The following CHERP variants were observed in gnomAD, a reference collection of about 807,000 sequenced individuals.
The protein encoded by CHERP is calcium homeostasis endoplasmic reticulum protein, also known as ERPROT 213-21.
CHERP carries 8 observed loss-of-function variants against 113.8 expected under a neutral mutation model. The observed-to-expected ratio is 0.07, with a 90% CI of 0.04 to 0.13. The LOEUF (loss-of-function observed/expected upper bound fraction) is 0.13, where lower values mean the gene tolerates loss of function less well. CHERP is among the 10% of genes least tolerant of loss of function. CHERP has a pLI of 1.00. For missense variants in CHERP, 884 were observed against 1,298.2 expected (o/e 0.68, Z 4.90); for synonymous variants, 559 against 524.5 (o/e 1.07, Z -0.90).
At position 16,535,518 on chromosome 19, in the gene CHERP, G is replaced by A. The variant is rs998157446; in HGVS notation, c.318C>T (p.Asp106=). The change falls in exon 3 of 17, where the codon GAC becomes GAT. Residue 106 remains aspartate (D), a synonymous_variant. Transcript: ENST00000546361. The surrounding 1 kb of genome is among the most constrained non-coding windows in gnomAD (Gnocchi z 4.3). ...IPPAQGAPSM[D]ELIQQSQWNL... is the part of the protein sequence containing the mutation. Reference sequence around the variant, plus strand: ...TCCACTGGCTCTGCTGGATGAGCTCGTCCATGGATGGCGCGCCCTGGGCCG... The same window carrying A: ...TCCACTGGCTCTGCTGGATGAGCTCATCCATGGATGGCGCGCCCTGGGCCG... The A allele has an allele frequency of 6.2e-7, 1 of 1,606,782 alleles. No homozygotes were observed. Among genetic ancestry groups the A allele is most frequent in the Non-Finnish European group, 8.5e-7 (1 of 1,176,862 alleles).
Position 16,535,994 on chromosome 19 carries a change from C to T in CHERP, c.200-358G>A, listed in dbSNP as rs987561638. Among the ~76,000 whole-genome samples the T allele has an allele frequency of 2.0e-5, 3 of 152,342 alleles. No homozygotes were observed. Among genetic ancestry groups the T allele is most frequent in the African/African-American group, 4.8e-5 (2 of 41,588 alleles). ...CACCTAGGCCCCACCTGATGCAGAACCCAGGCCTCAGTACCTCTCATCCTC... is the reference window on the plus strand; with the variant it reads ...CACCTAGGCCCCACCTGATGCAGAATCCAGGCCTCAGTACCTCTCATCCTC... On this transcript the variant is annotated intron_variant, in intron 2 of 16. Transcript: ENST00000546361. This position sits in a 1 kb window ranked among gnomAD's most constrained non-coding sequence, Gnocchi z 4.3.
chr19:16,520,426 T>A lies in CHERP; in HGVS notation c.2283A>T (p.Ser761=), dbSNP rs1485682176. ...SRSNSRSSKS[S]GSYSRSRSRS... The stretch of plus-strand genomic sequence containing the variant: ...GCGACCTTGACCTTGAGTACGAGCC[T>A]GAAGACTTGGAGGATCTTGAGTTGG... Residue 761 remains serine, a synonymous_variant, in exon 14 of 17, where the codon TCA becomes TCT. Transcript: ENST00000546361. The surrounding 1 kb of genome is among the most constrained non-coding windows in gnomAD (Gnocchi z 4.0). 1.2e-6 allele frequency: 2 copies of A among 1,614,068 alleles called. No individual in the cohort carries two copies. The highest frequency in any genetic ancestry group is 3.3e-5 in the Admixed American group (2 of 60,014).
Position 16,541,904 on chromosome 19 carries a change from G to A in CHERP, c.165C>T (p.Tyr55=), listed in dbSNP as rs185953110. The stretch of plus-strand genomic sequence containing the variant: ...GCTCCAGCGCCAGCTTGCACTTGTA[G>A]TAACTGTAGAATTCGCCTCCGAAAA... ...SFLFGGEFYS[Y]YKCKLALEQQ... The change falls in exon 2 of 17, where the codon TAC becomes TAT. Residue 55 remains tyrosine (Y), a synonymous_variant. Transcript: ENST00000546361. The A allele has an allele frequency of 1.9e-6, 3 of 1,613,754 alleles. No homozygotes were observed. Among genetic ancestry groups the A allele is most frequent in the African/African-American group, 1.3e-5 (1 of 75,030 alleles).
chr19:16,538,099 G>A (rs556134197), intron 2 of CHERP, among the ~76,000 whole-genome samples: 2 of 152,090 alleles, frequency 1.3e-5, no homozygotes, highest in East Asian at 3.9e-4. Context: ...AACCTTCCAC[G>A]AGTCTCTCCC....
At chr19:16,540,845 G>C (rs1046419758) in intron 2 of CHERP, among the ~76,000 whole-genome samples, 1 of 151,130 alleles carries the variant, frequency 6.6e-6, no homozygotes, top group East Asian at 1.9e-4. Flanking sequence ...CTACAGGCGC[G>C]GGCCACCACA....
chr19:16,521,036 G>C (rs1216794724), intron 12 of CHERP, 124 bp from the exon 13 acceptor site: 5 of 805,562 alleles, frequency 6.2e-6, no homozygotes, highest in Non-Finnish European at 1.1e-5. Context: ...TGTGGGCTCC[G>C]AGCATGGGCG....
intron 8 of CHERP, among the ~76,000 whole-genome samples, chr19:16,529,446 C>T (rs1053197430): frequency 2.0e-5 from 3 of 152,120 alleles, no homozygotes; most frequent in African/African-American, 4.8e-5. Flanking sequence ...TTCTGCTGTT[C>T]AGGAATGGGA....
At chr19:16,527,515 G>C (rs1254114512) in intron 9 of CHERP, among the ~76,000 whole-genome samples, 1 of 152,210 alleles carries the variant, frequency 6.6e-6, no homozygotes, top group Non-Finnish European at 1.5e-5. Context: ...GTCACGCCCT[G>C]GAAGACCCGG....
chr19:16,534,659 A>G (rs1327830778), intron 3 of CHERP, among the ~76,000 whole-genome samples: 1 of 151,786 alleles, frequency 6.6e-6, no homozygotes, highest in East Asian at 1.9e-4. Context: ...TATTTTTCAT[A>G]GAGACAGGGT....
chr19:16,539,208 T>C (rs971709533), intron 2 of CHERP, among the ~76,000 whole-genome samples: 43 of 145,648 alleles, frequency 3.0e-4, no homozygotes, highest in African/African-American at 8.2e-4. Flanking sequence ...AGTGCAGTGG[T>C]GCGATCTCGG....
chr19:16,542,328 G>C (rs776835096), intron 1 of CHERP, 26 bp downstream of exon 1: 1 of 1,410,836 alleles, frequency 7.1e-7, no homozygotes, highest in Middle Eastern at 1.9e-4. Context: ...AGAGAGAAAC[G>C]GTCTCTCGGC....
intron 2 of CHERP, among the ~76,000 whole-genome samples, chr19:16,537,595 C>T (rs1052822995): frequency 4.6e-5 from 7 of 152,150 alleles, no homozygotes; most frequent in Non-Finnish European, 7.4e-5. Context: ...TGCCCAGAAA[C>T]CCAGGCCAGA....
Position 16,532,799 on chromosome 19 carries a change from G to A in CHERP, c.523-50C>T, listed in dbSNP as rs201037240. 5,435 of 1,574,448 alleles carry A rather than the reference G, an allele frequency of 3.5e-3. 15 individuals are homozygous for A. The highest frequency in any genetic ancestry group is 4.3e-3 in the Non-Finnish European group (4,977 of 1,155,478). On this transcript the variant is annotated intron_variant, in intron 4 of 16. Coordinates refer to ENST00000546361, the MANE Select transcript of CHERP (RefSeq NM_006387.6). The surrounding 1 kb of genome is among the most constrained non-coding windows in gnomAD (Gnocchi z 4.4). ...GTGAGCAGGGCCGCGGCTCCCCCAGGCACCCACTGCATCCCTGAGAGCGCG... is the reference window on the plus strand; with the variant it reads ...GTGAGCAGGGCCGCGGCTCCCCCAGACACCCACTGCATCCCTGAGAGCGCG...
In CHERP at chr19:16,518,213, C is replaced by T. The variant is rs1335552274; in HGVS notation, c.*946G>A. 6.6e-6 allele frequency: 1 copy of T among 152,182 alleles called. No individual in the cohort carries two copies. Among genetic ancestry groups the T allele is most frequent in the African/African-American group, 2.4e-5 (1 of 41,416 alleles). The allele number at this position is 152,182 out of a possible 1,614,324, so 9.4% of individuals were successfully genotyped here. ...CAGCTCCCCTCCTGGCCTCCCCTCC[C>T]TTCGGGGGTGTGAAATGAAATGATG... On this transcript the variant is annotated 3_prime_UTR_variant, in exon 17 of 17. Coordinates refer to ENST00000546361, the MANE Select transcript of CHERP (RefSeq NM_006387.6).
chr19:16,521,086 C>A, intron 12 of CHERP, 174 bp from the exon 13 acceptor site: 1 of 640,752 alleles, frequency 1.6e-6, no homozygotes, highest in Non-Finnish European at 2.8e-6. Flanking sequence ...GGCTGTCCTC[C>A]TGCAGCCCAG....
intron 2 of CHERP, among the ~76,000 whole-genome samples, chr19:16,536,862 A>G (rs2085744457): frequency 6.6e-6 from 1 of 152,082 alleles, no homozygotes; most frequent in Non-Finnish European, 1.5e-5. Flanking sequence ...AATGCAAAAA[A>G]TTAGTCGGGC....
intron 2 of CHERP, among the ~76,000 whole-genome samples, chr19:16,536,994 AGAGT>A (rs1298670909): frequency 2.6e-5 from 4 of 152,332 alleles, no homozygotes; most frequent in South Asian, 4.1e-4. Context: ...TGTGGGTGAC[AGAGT>A]GAGACTCCAT....
Position 16,522,874 on chromosome 19 carries a change from C to A in CHERP, c.1980+178G>T, listed in dbSNP as rs546091194. On this transcript the variant is annotated intron_variant, in intron 11 of 16. Coordinates refer to ENST00000546361, the MANE Select transcript of CHERP (RefSeq NM_006387.6). ...GGCAGGGCAGACATGGTGTCGCTCA[C>A]AGCCACACCGTGCTACTCCGGTTCG... Among the ~76,000 whole-genome samples the A allele has an allele frequency of 1.3e-4, 20 of 152,284 alleles. No homozygotes were observed. In the South Asian group the frequency reaches 4.2e-3, roughly 32 times the overall value.
At chr19:16,521,771 G>A in intron 11 of CHERP, 117 bp from the exon 12 acceptor site, 1 of 961,592 alleles carries the variant, frequency 1.0e-6, no homozygotes, top group Non-Finnish European at 1.4e-6. Context: ...GGGTACCCTG[G>A]GCACCAGAGC....
Sources: allele counts gnomAD v4.1 joint callset (sites outside exome capture counted in the v4.1 genomes callset), GRCh38; gene constraint gnomAD v4.1.1; non-coding constraint Gnocchi (gnomAD v3.1); transcripts MANE v1.5; gene names NCBI Gene and HGNC (gene_info 2026-07-23, HGNC 2026-07-21).